KLHL32: variants seen among roughly 807,000 people sequenced by gnomAD.
The protein encoded by KLHL32 is kelch like family member 32, also known as kelch-like protein 32.
Under a neutral mutation model 64.8 loss-of-function variants are expected in KLHL32, and 35 were observed. The ratio of observed to expected loss-of-function variants is 0.54; its 90% CI spans 0.41 to 0.72. The LOEUF (loss-of-function observed/expected upper bound fraction) is 0.72. Among genes scored for constraint, KLHL32 ranks in the 30% least tolerant of loss-of-function variants. KLHL32 has a pLI of 0.00. For synonymous variants in KLHL32, 259 were observed against 281.0 expected, an observed-to-expected ratio of 0.92 and a Z score of 0.78; for missense variants, 589 against 768.5, an observed-to-expected ratio of 0.77 and a Z score of 2.76.
intron 3 of KLHL32, among the ~76,000 whole-genome samples, chr6:96,985,599 C>T (rs1776927076): frequency 6.6e-6 from 1 of 152,148 alleles, no homozygotes; most frequent in South Asian, 2.1e-4. Context: ...CTAAACTTCT[C>T]TTCTTGCTTC....
chr6:96,966,022 C>T (rs1398942752), intron 1 of KLHL32, among the ~76,000 whole-genome samples: 9 of 152,092 alleles, frequency 5.9e-5, no homozygotes, highest in Admixed American at 5.9e-4. Flanking sequence ...CACAATATAA[C>T]AAATATTATA....
At chr6:97,110,326 G>A (rs941397788) in intron 6 of KLHL32, among the ~76,000 whole-genome samples, 1 of 152,032 alleles carries the variant, frequency 6.6e-6, no homozygotes, top group Non-Finnish European at 1.5e-5. Context: ...CTGCCTCCTT[G>A]GCACCTAGCG....
At chr6:97,138,913 T>C (rs1444005745) in intron 10 of KLHL32, among the ~76,000 whole-genome samples, 2 of 152,240 alleles carry the variant, frequency 1.3e-5, no homozygotes, top group Non-Finnish European at 2.9e-5. Flanking sequence ...TATGTATATA[T>C]GTACATCCAA....
chr6:96,908,513 G>A, the KLHL32 span, among the ~76,000 whole-genome samples: 1 of 152,170 alleles, frequency 6.6e-6, no homozygotes, highest in Admixed American at 6.5e-5. Flanking sequence ...TTGGAATCAT[G>A]CATCATCCTA....
In KLHL32 at chr6:97,130,963, A is replaced by G. The variant is rs764126396; in HGVS notation, c.1606+14A>G. 6.2e-7 allele frequency: 1 copy of G among 1,602,572 alleles called. No homozygotes were observed. The highest frequency in any genetic ancestry group is 1.3e-5 in the African/African-American group (1 of 74,550). On this transcript the variant is annotated intron_variant, in intron 9 of 10. Coordinates refer to ENST00000369261, the MANE Select transcript of KLHL32 (RefSeq NM_052904.4). ...ACCTGCTGACTGGCAAGTACCTTTG[A>G]TTAAGTAAATCAGGAAAAGTAGATT...
At chr6:97,087,749 C>T (rs541517557) in intron 6 of KLHL32, among the ~76,000 whole-genome samples, 2 of 152,262 alleles carry the variant, frequency 1.3e-5, no homozygotes, top group Admixed American at 1.3e-4. Flanking sequence ...TCATCTGGGA[C>T]CATCCCATAT....
At chr6:97,014,290 G>A (rs1019929429) in intron 3 of KLHL32, among the ~76,000 whole-genome samples, 1 of 143,652 alleles carries the variant, frequency 7.0e-6, no homozygotes, top group African/African-American at 2.6e-5. Flanking sequence ...GCGAGACTCC[G>A]TCTCAAAAAA....
intron 9 of KLHL32, 114 bp downstream of exon 9, chr6:97,131,063 C>T (rs948107634): frequency 2.1e-5 from 18 of 864,060 alleles, no homozygotes; most frequent in Non-Finnish European, 3.2e-5. Context: ...TGTAGAAGAA[C>T]CTGCATTTAT....
At chr6:96,963,610 A>G (rs1774111122) in intron 1 of KLHL32, among the ~76,000 whole-genome samples, 1 of 152,046 alleles carries the variant, frequency 6.6e-6, no homozygotes, top group Non-Finnish European at 1.5e-5. Flanking sequence ...TTGCTTTTTT[A>G]TAGTAGTTAT....
At position 97,060,701 on chromosome 6, in the gene KLHL32, G is replaced by C. The variant is rs140211446; in HGVS notation, c.313-3927G>C. On this transcript the variant is annotated intron_variant, in intron 4 of 10. Coordinates refer to ENST00000369261, the MANE Select transcript of KLHL32 (RefSeq NM_052904.4). ...GCTTGGATTGGTGACCAGAGGACAT[G>C]TTGGCACACAGTATTCAAGAGTGCC... 2.9e-3 allele frequency among the ~76,000 whole-genome samples: 445 copies of C among 152,280 alleles called. 6 individuals carry two copies. The highest frequency in any genetic ancestry group is 6.3e-3 in the Admixed American group (97 of 15,302).
intron 5 of KLHL32, among the ~76,000 whole-genome samples, chr6:97,070,278 A>G (rs750212752): frequency 1.3e-5 from 2 of 152,222 alleles, no homozygotes; most frequent in Non-Finnish European, 2.9e-5. Context: ...ATGATCAAAA[A>G]GGGTGGAAAT....
At chr6:96,981,637 G>C (rs1467372570) in intron 3 of KLHL32, among the ~76,000 whole-genome samples, 1 of 152,056 alleles carries the variant, frequency 6.6e-6, no homozygotes, top group African/African-American at 2.4e-5. Flanking sequence ...TTCTAGGTGT[G>C]ATGTTAGATT....
At chr6:97,137,951 C>T (rs992611526) in intron 10 of KLHL32, among the ~76,000 whole-genome samples, 1 of 152,146 alleles carries the variant, frequency 6.6e-6, no homozygotes, top group Admixed American at 6.5e-5. Context: ...GAAACACCTA[C>T]GTCCAGGATG....
intron 3 of KLHL32, among the ~76,000 whole-genome samples, chr6:96,987,293 T>G (rs112309253): frequency 0.024 from 3,602 of 152,294 alleles, 101 homozygotes; most frequent in African/African-American, 0.067. Flanking sequence ...TTCTTTTAAT[T>G]GTGATGTTAG....
At chr6:97,020,288 A>G (rs1781814789) in intron 3 of KLHL32, among the ~76,000 whole-genome samples, 1 of 150,770 alleles carries the variant, frequency 6.6e-6, no homozygotes, top group South Asian at 2.1e-4. Context: ...CTTTGACCAA[A>G]TTATTCAAGA....
intron 3 of KLHL32, among the ~76,000 whole-genome samples, chr6:96,979,304 A>C (rs1582558521): frequency 6.6e-6 from 1 of 151,978 alleles, no homozygotes; most frequent in African/African-American, 2.4e-5. Context: ...ATCCCTCTTG[A>C]GTTGATTTTT....
At chr6:96,914,658 C>T in the KLHL32 span, 1 of 152,162 alleles carries the variant, frequency 6.6e-6, no homozygotes, top group Non-Finnish European at 1.5e-5. Flanking sequence ...GTTCCCAGCA[C>T]TTACATCCTG....
intron 6 of KLHL32, among the ~76,000 whole-genome samples, chr6:97,089,523 A>G (rs1027166192): frequency 2.0e-5 from 3 of 152,296 alleles, no homozygotes; most frequent in Middle Eastern, 6.8e-3. Context: ...TTACGCCTGT[A>G]ATCCCAACAG....
At chr6:97,091,805 C>T (rs773788279) in intron 6 of KLHL32, among the ~76,000 whole-genome samples, 1 of 152,162 alleles carries the variant, frequency 6.6e-6, no homozygotes, top group Non-Finnish European at 1.5e-5. Flanking sequence ...CAGTCCAAGC[C>T]TCAAACAAAT....
Sources: gnomAD v4.1 joint callset for allele counts (sites outside exome capture counted in the v4.1 genomes callset) on GRCh38, gnomAD v4.1.1 for gene constraint, MANE v1.5 for transcripts, NCBI Gene and HGNC (gene_info 2026-07-23, HGNC 2026-07-21) for gene names.